The following PARVA variants were observed in gnomAD, a reference collection of about 807,000 sequenced individuals.
PARVA encodes alpha-parvin.
Under a neutral mutation model 52.6 loss-of-function variants are expected in PARVA, and 25 were observed. The observed-to-expected ratio is 0.48, with a 90% confidence interval of 0.35 to 0.66. The LOEUF is 0.66. PARVA is among the 30% of genes least tolerant of loss of function. The probability of loss-of-function intolerance (pLI) is 0.01; values close to 1 mark genes in which losing one functional copy is unlikely to be tolerated. For missense variants in PARVA, 373 were observed against 450.9 expected (o/e 0.83, Z 1.56); for synonymous variants, 185 against 179.1 (o/e 1.03, Z -0.26).
rs1308715653 is a variant in PARVA, at chr11:12,531,208, T to G, written c.*3283T>G. On this transcript the variant is annotated 3_prime_UTR_variant, in exon 13 of 13. Coordinates refer to ENST00000334956, the MANE Select transcript of PARVA (RefSeq NM_018222.5). ...AGTTTCACATGTGCAGGCACAGAGA[T>G]GACATTTCCCGATCTGGGAGAAGGC... is the stretch of plus-strand genomic sequence containing the variant. Among the ~76,000 whole-genome samples the G allele has an allele frequency of 6.6e-6, 1 of 152,248 alleles. No homozygotes were observed. Among genetic ancestry groups the G allele is most frequent in the Non-Finnish European group, 1.5e-5 (1 of 68,048 alleles).
rs567180748 is a variant in PARVA, at chr11:12,462,450, G to A, written c.137-11295G>A. On this transcript the variant is annotated intron_variant, in intron 1 of 12. Coordinates refer to ENST00000334956, the MANE Select transcript of PARVA (RefSeq NM_018222.5). ...AAGGGACCACAGACCAAGGAATGAG[G>A]GCAGCCTCCAGATGCTAGAAAAGGA... Among the ~76,000 whole-genome samples the A allele has an allele frequency of 5.9e-5, 9 of 152,202 alleles. No homozygotes were observed. In the South Asian group the frequency reaches 1.5e-3, roughly 25 times the overall value.
intron 1 of PARVA, among the ~76,000 whole-genome samples, chr11:12,470,628 A>G (rs1450940243): frequency 6.6e-6 from 1 of 152,184 alleles, no homozygotes; most frequent in East Asian, 1.9e-4. Flanking sequence ...CTGGTGAGGG[A>G]GAGAGTTAAC....
At chr11:12,432,295 AAAT>A (rs1206701033) in intron 1 of PARVA, among the ~76,000 whole-genome samples, 1 of 152,240 alleles carries the variant, frequency 6.6e-6, no homozygotes, top group African/African-American at 2.4e-5. Context: ...CTCTTTTTGA[AAAT>A]AATGTGCATG....
intron 1 of PARVA, among the ~76,000 whole-genome samples, chr11:12,440,785 C>A (rs1220173978): frequency 6.6e-6 from 1 of 152,262 alleles, no homozygotes; most frequent in Admixed American, 6.5e-5. Context: ...TAGGGCCCCT[C>A]CATGTCAGCA....
chr11:12,486,886 T>G (rs986983440), intron 4 of PARVA, among the ~76,000 whole-genome samples: 18 of 152,128 alleles, frequency 1.2e-4, no homozygotes, highest in Non-Finnish European at 2.4e-4. Context: ...GAAGCTCACA[T>G]TAGAGGACCA....
At chr11:12,488,846 G>A (rs567537262) in intron 4 of PARVA, among the ~76,000 whole-genome samples, 1 of 152,240 alleles carries the variant, frequency 6.6e-6, no homozygotes, top group South Asian at 2.1e-4. Flanking sequence ...GCAAACATAT[G>A]TCCTTCTTTT....
At chr11:12,422,654 G>A (rs111302132) in intron 1 of PARVA, among the ~76,000 whole-genome samples, 46 of 152,262 alleles carry the variant, frequency 3.0e-4, no homozygotes, top group Non-Finnish European at 5.6e-4. Flanking sequence ...GCACAGGGCT[G>A]CCACCTGCTA....
intron 12 of PARVA, among the ~76,000 whole-genome samples, chr11:12,524,677 C>T (rs191481875): frequency 4.2e-3 from 638 of 152,332 alleles, no homozygotes; most frequent in Non-Finnish European, 7.2e-3. Flanking sequence ...TTAACCTCCT[C>T]GCCCTCTTGG....
At chr11:12,451,828 C>G (rs1940627366) in intron 1 of PARVA, among the ~76,000 whole-genome samples, 1 of 152,214 alleles carries the variant, frequency 6.6e-6, no homozygotes, top group African/African-American at 2.4e-5. Flanking sequence ...AATTTGCATA[C>G]TCTGTACCTT....
At chr11:12,406,870 C>G (rs991623380) in intron 1 of PARVA, among the ~76,000 whole-genome samples, 5 of 151,944 alleles carry the variant, frequency 3.3e-5, no homozygotes, top group African/African-American at 1.2e-4. Flanking sequence ...TGGGGTTTCA[C>G]CATGTTAGCC....
chr11:12,506,979 A>G (rs911768881), intron 6 of PARVA, among the ~76,000 whole-genome samples: 1 of 152,252 alleles, frequency 6.6e-6, no homozygotes, highest in Non-Finnish European at 1.5e-5. Flanking sequence ...TTAACCCCAC[A>G]TGAAAACACA....
At chr11:12,494,052 C>G (rs1056599721) in intron 4 of PARVA, among the ~76,000 whole-genome samples, 1 of 152,200 alleles carries the variant, frequency 6.6e-6, no homozygotes, top group African/African-American at 2.4e-5. Flanking sequence ...ACACAGAACT[C>G]AGGAAGGCAC....
intron 1 of PARVA, among the ~76,000 whole-genome samples, chr11:12,420,123 A>G (rs1461542026): frequency 6.6e-6 from 1 of 152,240 alleles, no homozygotes; most frequent in Non-Finnish European, 1.5e-5. Context: ...GAAATCAGGC[A>G]TTCATGGCTC....
At chr11:12,515,899 C>T (rs1214673652) in intron 10 of PARVA, among the ~76,000 whole-genome samples, 4 of 152,182 alleles carry the variant, frequency 2.6e-5, no homozygotes, top group African/African-American at 9.7e-5. Context: ...TGCAGTGGCA[C>T]GATCACGGCT....
In PARVA at chr11:12,467,804, GT is replaced by G. The variant is rs765765716; in HGVS notation, c.137-5935del. On this transcript the variant is annotated intron_variant, in intron 1 of 12. Coordinates refer to ENST00000334956, the MANE Select transcript of PARVA (RefSeq NM_018222.5). ...TCTTTTCTTGCCCTCTCTCAGAATGGTTTTTTGCAAGTACAGATACAGTGGG... is the reference window on the plus strand; with the variant it reads ...TCTTTTCTTGCCCTCTCTCAGAATGGTTTTTGCAAGTACAGATACAGTGGG... 6.4e-4 allele frequency among the ~76,000 whole-genome samples: 98 copies of G among 152,276 alleles called. 1 individual carries two copies. Among genetic ancestry groups the G allele is most frequent in the Non-Finnish European group, 2.5e-4 (17 of 68,022 alleles).
At chr11:12,456,761 T>C (rs748652353) in intron 1 of PARVA, among the ~76,000 whole-genome samples, 22 of 152,132 alleles carry the variant, frequency 1.4e-4, no homozygotes, top group Non-Finnish European at 2.9e-4. Flanking sequence ...CCCTCCCTGA[T>C]TTCCACTTTC....
At chr11:12,505,362 A>G (rs1941420605) in intron 6 of PARVA, among the ~76,000 whole-genome samples, 1 of 152,190 alleles carries the variant, frequency 6.6e-6, no homozygotes, top group South Asian at 2.1e-4. Context: ...AGACCAGGCC[A>G]GTTTCCAAGA....
chr11:12,455,255 G>T (rs1254949764), intron 1 of PARVA, among the ~76,000 whole-genome samples: 4 of 152,130 alleles, frequency 2.6e-5, no homozygotes, highest in Admixed American at 2.6e-4. Context: ...ATCCATTAGG[G>T]ATTTCCAAGT....
At chr11:12,379,412 G>A (rs923330312) in intron 1 of PARVA, among the ~76,000 whole-genome samples, 1 of 152,124 alleles carries the variant, frequency 6.6e-6, no homozygotes, top group Non-Finnish European at 1.5e-5. Flanking sequence ...TATCCATCAC[G>A]TTAAAGATTT....
Sources: allele counts gnomAD v4.1 joint callset (sites outside exome capture counted in the v4.1 genomes callset), GRCh38; gene constraint gnomAD v4.1.1; transcripts MANE v1.5; gene names NCBI Gene and HGNC (gene_info 2026-07-23, HGNC 2026-07-21).